The following GRIN2A variants were observed in gnomAD, a reference collection of about 807,000 sequenced individuals.
GRIN2A encodes the protein glutamate ionotropic receptor NMDA type subunit 2A.
Under a neutral mutation model 113.4 loss-of-function variants are expected in GRIN2A, and 22 were observed. The ratio of observed to expected loss-of-function variants is 0.19; its 90% CI spans 0.14 to 0.28. The LOEUF is 0.28. Ranked by LOEUF, GRIN2A falls within the 10% of genes least tolerant of loss-of-function variation. GRIN2A has a pLI of 1.00. For synonymous variants in GRIN2A, 827 were observed against 738.4 expected (o/e 1.12, Z -1.94); for missense variants, 1,502 against 1,887.0 (o/e 0.80, Z 3.78).
Position 9,755,825 on chromosome 16 carries a change from C to G in GRIN2A, c.*7324G>C, listed in dbSNP as rs16966244. On this transcript the variant is annotated 3_prime_UTR_variant, in exon 13 of 13. Transcript: ENST00000330684. ...GTCATTATCCTAATGCTAAGTGAGC[C>G]GGGAATTATCTCTAAGACAATTTGG... is the stretch of plus-strand genomic sequence containing the variant. The G allele has an allele frequency of 2.7e-4, 55 of 200,624 alleles. 1 individual carries two copies. The highest frequency in any genetic ancestry group is 3.4e-3 in the Middle Eastern group (2 of 592). The allele number at this position is 200,624 out of a possible 1,614,324, so 12.4% of individuals were successfully genotyped here. A position where few individuals can be genotyped will look rare whatever the true frequency, so the allele number is the denominator to read the frequency against.
intron 2 of GRIN2A, among the ~76,000 whole-genome samples, chr16:9,961,636 A>T (rs2045444999): frequency 6.6e-6 from 1 of 152,224 alleles, no homozygotes; most frequent in Admixed American, 6.5e-5. Flanking sequence ...ATGTAATAAA[A>T]CTGCACTTGC....
In GRIN2A at chr16:9,914,905, CTTTTTTTTTTTTTTTTTTTTTTTTTTTT is replaced by C. The variant is rs869182389; in HGVS notation, c.1007+23026_1007+23053del. Reference sequence around the variant, plus strand: ...TATTTACAGCCTATTGATTATGCAGCTTTTTTTTTTTTTTTTTTTTTTTTTTTTTTTTTTTTTTTTTTTTTTAATGAGA... The same window carrying C: ...TATTTACAGCCTATTGATTATGCAGCTTTTTTTTTTTTTTTTTTAATGAGA... On this transcript the variant is annotated intron_variant, in intron 3 of 12. Coordinates refer to ENST00000330684, the MANE Select transcript of GRIN2A (RefSeq NM_001134407.3). Among the ~76,000 whole-genome samples, 55 of 33,476 alleles carry C rather than the reference CTTTTTTTTTTTTTTTTTTTTTTTTTTTT, an allele frequency of 1.6e-3. 1 individual carries two copies. The highest frequency in any genetic ancestry group is 4.3e-3 in the Admixed American group (9 of 2,078). 22.0% of individuals were successfully genotyped at this position (33,476 alleles called of 152,430 possible).
intron 3 of GRIN2A, among the ~76,000 whole-genome samples, chr16:9,927,207 T>G (rs578176312): frequency 2.0e-5 from 3 of 152,194 alleles, no homozygotes; most frequent in Non-Finnish European, 4.4e-5. Context: ...CCTGTAAGAA[T>G]CTATGGAACT....
At chr16:9,961,321 A>G (rs2045438674) in intron 2 of GRIN2A, among the ~76,000 whole-genome samples, 2 of 152,022 alleles carry the variant, frequency 1.3e-5, no homozygotes, top group African/African-American at 4.8e-5. Flanking sequence ...ATCTAATGAT[A>G]TGGGGGTGCA....
chr16:10,078,796 G>A (rs1387855894), intron 2 of GRIN2A, among the ~76,000 whole-genome samples: 2 of 152,190 alleles, frequency 1.3e-5, no homozygotes, highest in Non-Finnish European at 2.9e-5. Flanking sequence ...CCCCTCCGAA[G>A]CCCATCCATG....
chr16:9,988,148 G>C (rs1254790129), intron 2 of GRIN2A, among the ~76,000 whole-genome samples: 1 of 152,206 alleles, frequency 6.6e-6, no homozygotes, highest in East Asian at 1.9e-4. Flanking sequence ...CTCAAGAGAA[G>C]TAGGAGCCTG....
chr16:10,078,314 C>T (rs1732022398), intron 2 of GRIN2A, among the ~76,000 whole-genome samples: 1 of 151,980 alleles, frequency 6.6e-6, no homozygotes, highest in African/African-American at 2.4e-5. Flanking sequence ...GAAATGACAG[C>T]CTCGTCTGTT....
At position 9,938,498 on chromosome 16, in the gene GRIN2A, C is replaced by A. The variant is rs773513210; in HGVS notation, c.468G>T (p.Thr156=). ...AATCCTGCATGATCTTCAGCATGAC[C>A]GTGGCTTGCTGCTGGATGGACGCTC... ...QFGASIQQQA[T]VMLKIMQDYD... Residue 156 remains threonine (T), a synonymous_variant, in exon 3 of 13, where the codon ACG becomes ACT. Coordinates refer to ENST00000330684, the MANE Select transcript of GRIN2A (RefSeq NM_001134407.3). 5 of 1,611,668 alleles carry A rather than the reference C, an allele frequency of 3.1e-6. No individual in the cohort carries two copies. The East Asian group carries it at 6.7e-5, about 22-fold the overall frequency.
In GRIN2A at chr16:9,922,312, TA is replaced by T. The variant is rs879272888; in HGVS notation, c.1007+15646del. On this transcript the variant is annotated intron_variant, in intron 3 of 12. Transcript: ENST00000330684. ...AACCAACACCATCAATCTGCAGATTTAAAAAAAAAAAAGGAGAATCAGAAAA... is the reference window on the plus strand; with the variant it reads ...AACCAACACCATCAATCTGCAGATTTAAAAAAAAAAAGGAGAATCAGAAAA... Among the ~76,000 whole-genome samples, 570 of 142,932 alleles carry T rather than the reference TA, an allele frequency of 4.0e-3. 1 individual carries two copies. The highest frequency in any genetic ancestry group is 4.3e-3 in the Admixed American group (61 of 14,316). 93.8% of individuals were successfully genotyped at this position (142,932 alleles called of 152,430 possible). A position where few individuals can be genotyped will look rare whatever the true frequency, so the allele number is the denominator to read the frequency against.
In GRIN2A at chr16:9,798,550, C is replaced by G. The variant is rs1903147216; in HGVS notation, c.2169-86G>C. 4.2e-6 allele frequency: 4 copies of G among 943,970 alleles called. No individual in the cohort carries two copies. In the Middle Eastern group the frequency reaches 9.6e-4, roughly 227 times the overall value. 58.5% of individuals were successfully genotyped at this position (943,970 alleles called of 1,614,324 possible). A position where few individuals can be genotyped will look rare whatever the true frequency, so the allele number is the denominator to read the frequency against. ...TCCTGAGGCCTGATCCTGAAAGCAT[C>G]CCACACTTTCTTTCATGCTGGTGAT... On this transcript the variant is annotated intron_variant, in intron 10 of 12. Coordinates refer to ENST00000330684, the MANE Select transcript of GRIN2A (RefSeq NM_001134407.3).
At position 10,024,756 on chromosome 16, in the gene GRIN2A, C is replaced by T. The variant is rs2046789147; in HGVS notation, c.415-86205G>A. Among the ~76,000 whole-genome samples, 4 of 152,292 alleles carry T rather than the reference C, an allele frequency of 2.6e-5. No homozygotes were observed. In the South Asian group the frequency reaches 8.3e-4, roughly 32 times the overall value. ...GTTCAGCCATAACTTCCCACTCACTCCTCACTGAAGAGGTAGGCACAATAG... is the reference window on the plus strand; with the variant it reads ...GTTCAGCCATAACTTCCCACTCACTTCTCACTGAAGAGGTAGGCACAATAG... On this transcript the variant is annotated intron_variant, in intron 2 of 12. Coordinates refer to ENST00000330684, the MANE Select transcript of GRIN2A (RefSeq NM_001134407.3).
intron 2 of GRIN2A, among the ~76,000 whole-genome samples, chr16:10,061,840 G>T (rs2047555688): frequency 6.6e-6 from 1 of 152,176 alleles, no homozygotes; most frequent in Non-Finnish European, 1.5e-5. Context: ...AAAAGTGGCA[G>T]AGGGGACACC....
At chr16:9,987,730 G>A (rs1317081135) in intron 2 of GRIN2A, among the ~76,000 whole-genome samples, 2 of 152,172 alleles carry the variant, frequency 1.3e-5, no homozygotes, top group African/African-American at 4.8e-5. Flanking sequence ...CTATGTCAGA[G>A]GTAATGGTCT....
At chr16:9,882,819 G>A (rs1596536191) in intron 4 of GRIN2A, among the ~76,000 whole-genome samples, 1 of 152,254 alleles carries the variant, frequency 6.6e-6, no homozygotes, top group South Asian at 2.1e-4. Context: ...TCTGGGAGAT[G>A]CAATAAATGC....
chr16:9,877,266 G>T (rs137925583), intron 4 of GRIN2A, among the ~76,000 whole-genome samples: 1 of 152,132 alleles, frequency 6.6e-6, no homozygotes, highest in South Asian at 2.1e-4. Flanking sequence ...GTATAGAATA[G>T]GTGCTCAACA....
chr16:10,022,831 G>A (rs910700559), intron 2 of GRIN2A, among the ~76,000 whole-genome samples: 3 of 152,062 alleles, frequency 2.0e-5, no homozygotes, highest in Admixed American at 6.6e-5. Flanking sequence ...CAGCTCTTTG[G>A]GAGAAAAATG....
intron 2 of GRIN2A, among the ~76,000 whole-genome samples, chr16:9,956,350 T>C (rs755269651): frequency 1.3e-5 from 2 of 152,208 alleles, no homozygotes; most frequent in African/African-American, 4.8e-5. Flanking sequence ...AGGGGATCTA[T>C]GCAAGTCCTG....
intron 2 of GRIN2A, among the ~76,000 whole-genome samples, chr16:10,106,060 A>T (rs1305462355): frequency 6.6e-6 from 1 of 152,210 alleles, no homozygotes; most frequent in Non-Finnish European, 1.5e-5. Context: ...TTGCAAAGCC[A>T]CCTTTTGTGT....
chr16:10,105,173 C>A (rs1229887472), intron 2 of GRIN2A, among the ~76,000 whole-genome samples: 4 of 152,038 alleles, frequency 2.6e-5, no homozygotes, highest in Non-Finnish European at 4.4e-5. Context: ...CCTGGGGAAG[C>A]CAGAAGGCCC....
Sources: allele counts gnomAD v4.1 joint callset (sites outside exome capture counted in the v4.1 genomes callset), GRCh38; gene constraint gnomAD v4.1.1; transcripts MANE v1.5; gene names NCBI Gene and HGNC (gene_info 2026-07-23, HGNC 2026-07-21).